Variants in TMEM65 observed in about 807,000 individuals in gnomAD.
TMEM65 encodes the protein transmembrane protein 65.
In TMEM65, 22 loss-of-function variants were observed where a neutral mutation model predicts 25.4. That is an observed-to-expected ratio of 0.86 (90% CI 0.62 to 1.23). The LOEUF is 1.23. TMEM65 is among the 50% of genes most tolerant of loss of function. TMEM65 has a pLI of 0.00. For missense variants in TMEM65, 262 were observed against 308.2 expected (o/e 0.85, Z 1.12); for synonymous variants, 132 against 126.2 (o/e 1.05, Z -0.31).
In TMEM65 at chr8:124,310,012, A is replaced by C. The variant is rs546575615; in HGVS notation, c.*3948T>G. On this transcript the variant is annotated 3_prime_UTR_variant, in exon 7 of 7. Coordinates refer to ENST00000297632, the MANE Select transcript of TMEM65 (RefSeq NM_194291.3). ...CCGTTTCTACTAAAAATACAAAAAA[A>C]TTAGGCTCGGTGGCACGTGACTGTA... 6.6e-6 allele frequency: 1 copy of C among 152,124 alleles called. No homozygotes were observed. Among genetic ancestry groups the C allele is most frequent in the Non-Finnish European group, 1.5e-5 (1 of 68,042 alleles). The allele number at this position is 152,124 out of a possible 1,614,324, so 9.4% of individuals were successfully genotyped here. A position where few individuals can be genotyped will look rare whatever the true frequency, so the allele number is the denominator to read the frequency against.
chr8:124,367,772 A>G lies in TMEM65; in HGVS notation c.304+4082T>C, dbSNP rs1814957792. On this transcript the variant is annotated intron_variant, in intron 1 of 6. Transcript: ENST00000297632. ...ATGGGGGACTACAAGATTAAAGTTTAGAATTATTTGGTTAATGTATACAGA... is the reference window on the plus strand; with the variant it reads ...ATGGGGGACTACAAGATTAAAGTTTGGAATTATTTGGTTAATGTATACAGA... Among the ~76,000 whole-genome samples the G allele has an allele frequency of 2.6e-5, 4 of 152,354 alleles. No individual in the cohort carries two copies. The South Asian group carries it at 8.3e-4, about 32-fold the overall frequency.
At chr8:124,329,196 C>T (rs1337478703) in intron 2 of TMEM65, among the ~76,000 whole-genome samples, 1 of 151,182 alleles carries the variant, frequency 6.6e-6, no homozygotes. Context: ...GATTTTTTTT[C>T]AATTAAAGAG....
chr8:124,339,240 TATATATATAAA>T (rs1814556513), intron 1 of TMEM65, among the ~76,000 whole-genome samples: 1 of 92,398 alleles, frequency 1.1e-5, no homozygotes, highest in African/African-American at 4.0e-5. Flanking sequence ...TATATATATA[TATATATATAAA>T]ATATTCTTGC....
intron 1 of TMEM65, among the ~76,000 whole-genome samples, chr8:124,361,872 C>A (rs947081285): frequency 2.4e-4 from 36 of 151,794 alleles, no homozygotes; most frequent in African/African-American, 8.7e-4. Flanking sequence ...TTTTAAAAAG[C>A]AAGATTTTTT....
intron 2 of TMEM65, 115 bp from the exon 3 acceptor site, chr8:124,327,536 A>G (rs896949259): frequency 1.8e-5 from 12 of 657,872 alleles, no homozygotes; most frequent in African/African-American, 1.7e-4. Context: ...CTAGAATTTG[A>G]TTCTCATTTT....
intron 6 of TMEM65, among the ~76,000 whole-genome samples, chr8:124,316,816 G>C (rs1162016323): frequency 6.6e-6 from 1 of 152,156 alleles, no homozygotes; most frequent in Non-Finnish European, 1.5e-5. Flanking sequence ...GCTGGTATCA[G>C]GGGCTAGTCT....
intron 1 of TMEM65, among the ~76,000 whole-genome samples, chr8:124,352,504 A>T (rs1158515949): frequency 1.0e-4 from 15 of 146,344 alleles, no homozygotes; most frequent in Admixed American, 4.0e-4. Context: ...AAATAAAATA[A>T]AATAAAATAA....
At position 124,323,311 on chromosome 8, in the gene TMEM65, T is replaced by C. The variant is rs1425235573; in HGVS notation, c.472+10A>G. On this transcript the variant is annotated intron_variant, in intron 4 of 6. Transcript: ENST00000297632. The stretch of plus-strand genomic sequence containing the variant: ...ACAATGAAATAATAACATTTACTAC[T>C]GTTAAATACCTGCCATAGTTGAAAT... The C allele has an allele frequency of 2.1e-6, 3 of 1,423,494 alleles. No homozygotes were observed. The highest frequency in any genetic ancestry group is 2.9e-5 in the African/African-American group (2 of 69,260). The allele number at this position is 1,423,494 out of a possible 1,614,324, so 88.2% of individuals were successfully genotyped here. A position where few individuals can be genotyped will look rare whatever the true frequency, so the allele number is the denominator to read the frequency against.
chr8:124,334,729 A>C (rs1249096232), intron 1 of TMEM65, among the ~76,000 whole-genome samples: 1 of 142,342 alleles, frequency 7.0e-6, no homozygotes, highest in Admixed American at 7.6e-5. Flanking sequence ...ACACTACTGC[A>C]CTCCAGCCTG....
Position 124,306,451 on chromosome 8 carries a change from T to C in TMEM65, c.*7509A>G, listed in dbSNP as rs1814092742. The C allele has an allele frequency of 6.6e-6, 1 of 152,226 alleles. No individual in the cohort carries two copies. The highest frequency in any genetic ancestry group is 2.4e-5 in the African/African-American group (1 of 41,432). 9.4% of individuals were successfully genotyped at this position (152,226 alleles called of 1,614,324 possible). On this transcript the variant is annotated 3_prime_UTR_variant, in exon 7 of 7. Coordinates refer to ENST00000297632, the MANE Select transcript of TMEM65 (RefSeq NM_194291.3). ...TTCTCAAACACGGGTTTGAACTGCA[T>C]AGGACCGCTTATATGCATATTTTGA...
chr8:124,370,817 T>C (rs1815002216), intron 1 of TMEM65, among the ~76,000 whole-genome samples: 1 of 152,244 alleles, frequency 6.6e-6, no homozygotes, highest in Admixed American at 6.5e-5. Flanking sequence ...CACTTTGGAA[T>C]CTATGAGATG....
At chr8:124,340,907 T>C (rs1352457761) in intron 1 of TMEM65, among the ~76,000 whole-genome samples, 1 of 152,110 alleles carries the variant, frequency 6.6e-6, no homozygotes, top group East Asian at 1.9e-4. Context: ...GGGCCATTAG[T>C]AAACATGTTC....
chr8:124,368,303 T>C (rs1814967650), intron 1 of TMEM65, among the ~76,000 whole-genome samples: 1 of 151,794 alleles, frequency 6.6e-6, no homozygotes, highest in South Asian at 2.1e-4. Flanking sequence ...TTTCAAAACA[T>C]ATCTCTCATT....
At chr8:124,319,355 C>T (rs1348168096) in intron 6 of TMEM65, among the ~76,000 whole-genome samples, 2 of 152,030 alleles carry the variant, frequency 1.3e-5, no homozygotes, top group African/African-American at 2.4e-5. Flanking sequence ...TTAAAACTCC[C>T]CTGGCTCTCC....
chr8:124,319,900 A>T (rs7015493), intron 6 of TMEM65, among the ~76,000 whole-genome samples, 186 bp downstream of exon 6: 8,403 of 152,270 alleles, frequency 0.055, 234 homozygotes, highest in Non-Finnish European at 0.06. Context: ...AATTAAGTAT[A>T]CCTACAAAAA....
At chr8:124,338,724 C>T (rs1255664854) in intron 1 of TMEM65, among the ~76,000 whole-genome samples, 7 of 152,162 alleles carry the variant, frequency 4.6e-5, no homozygotes, top group Admixed American at 4.6e-4. Flanking sequence ...AAAAAACCTT[C>T]AGTCCAATAT....
intron 6 of TMEM65, among the ~76,000 whole-genome samples, chr8:124,318,264 T>C (rs1482217995): frequency 6.6e-6 from 1 of 151,716 alleles, no homozygotes; most frequent in African/African-American, 2.4e-5. Flanking sequence ...CTGGACATGA[T>C]TGCAGCCTTC....
intron 1 of TMEM65, among the ~76,000 whole-genome samples, chr8:124,350,458 CT>C (rs1814693073): frequency 8.4e-6 from 1 of 118,662 alleles, no homozygotes; most frequent in Admixed American, 1.1e-4. Context: ...CACTCTCTCT[CT>C]TTCCCTCTCT....
At position 124,323,387 on chromosome 8, in the gene TMEM65, T is replaced by C. The variant is rs746128114; in HGVS notation, c.418-12A>G. On this transcript the variant is annotated splice_polypyrimidine_tract_variant and intron_variant, in intron 3 of 6. Transcript: ENST00000297632. ...TCAATATGGGTTCCCTGAAATATGA[T>C]AAAAAATTAATCTTAAAAATTAAAG... 4 of 1,423,932 alleles carry C rather than the reference T, an allele frequency of 2.8e-6. No individual in the cohort carries two copies. Among genetic ancestry groups the C allele is most frequent in the African/African-American group, 1.4e-5 (1 of 69,376 alleles). 88.2% of individuals were successfully genotyped at this position (1,423,932 alleles called of 1,614,324 possible).
Sources: allele counts gnomAD v4.1 joint callset (sites outside exome capture counted in the v4.1 genomes callset), GRCh38; gene constraint gnomAD v4.1.1; transcripts MANE v1.5; gene names NCBI Gene and HGNC (gene_info 2026-07-23, HGNC 2026-07-21).